Variants in TLN1 observed in about 807,000 individuals in gnomAD.
The protein encoded by TLN1 is talin 1.
TLN1 carries 56 observed loss-of-function variants against 292.3 expected under a neutral mutation model. The ratio of observed to expected loss-of-function variants is 0.19; its 90% CI spans 0.15 to 0.24. The LOEUF is 0.24. Among genes scored for constraint, TLN1 ranks in the 10% least tolerant of loss-of-function variants. The pLI is 1.00. For synonymous variants in TLN1, 1,119 were observed against 1,253.7 expected (o/e 0.89, Z 2.27); for missense variants, 2,433 against 3,248.2 (o/e 0.75, Z 6.10).
Position 35,713,030 on chromosome 9 carries a change from C to T in TLN1, c.3366G>A (p.Arg1122=), listed in dbSNP as rs760350300. The change falls in exon 27 of 57, where the codon CGG becomes CGA. Residue 1122 remains arginine (R), a synonymous_variant. Coordinates refer to ENST00000314888, the MANE Select transcript of TLN1 (RefSeq NM_006289.4). ...GNENYAGIAA[R]DVAGGLRSLA... Reference sequence around the variant, plus strand: ...GTGACCGCAGCCCACCTGCCACATCCCGAGCTGCAATACCTTGGGAGATGA... The same window carrying T: ...GTGACCGCAGCCCACCTGCCACATCTCGAGCTGCAATACCTTGGGAGATGA... 1.9e-6 allele frequency: 3 copies of T among 1,608,508 alleles called. No homozygotes were observed. Among genetic ancestry groups the T allele is most frequent in the African/African-American group, 1.3e-5 (1 of 74,818 alleles).
chr9:35,697,850 C>T lies in TLN1; in HGVS notation c.7567G>A (p.Ala2523Thr). 2 of 1,614,170 alleles carry T rather than the reference C, an allele frequency of 1.2e-6. No homozygotes were observed. The highest frequency in any genetic ancestry group is 1.7e-6 in the Non-Finnish European group (2 of 1,180,024). Residue 2523 changes from alanine to threonine, a missense_variant, in exon 57 of 57, where the codon GCC becomes ACC. Ala to Thr is a moderately conservative substitution (Grantham distance 58, BLOSUM62 0). Coordinates refer to ENST00000314888, the MANE Select transcript of TLN1 (RefSeq NM_006289.4). ...RELEEARKKL[A>T]QIRQQQYKFL... Reference sequence around the variant, plus strand: ...TTGTACTGCTGCTGCCGGATCTGGGCCAGTTTCTTCCGCGCCTCTTCCAGC... The same window carrying T: ...TTGTACTGCTGCTGCCGGATCTGGGTCAGTTTCTTCCGCGCCTCTTCCAGC...
Position 35,704,580 on chromosome 9 carries a change from C to G in TLN1, c.5881-82G>C, listed in dbSNP as rs1327550849. 68 of 1,588,772 alleles carry G rather than the reference C, an allele frequency of 4.3e-5. No individual in the cohort carries two copies. Among genetic ancestry groups the G allele is most frequent in the Non-Finnish European group, 5.7e-5 (67 of 1,165,960 alleles). ...TGCCCATGCCTGGGAGAAGTGACAA[C>G]AGGAGAGGGCTGAGAGGGCTGGAGG... On this transcript the variant is annotated intron_variant, in intron 44 of 56. Coordinates refer to ENST00000314888, the MANE Select transcript of TLN1 (RefSeq NM_006289.4). The surrounding 1 kb of genome is among the most constrained non-coding windows in gnomAD (Gnocchi z 6.9).
At chr9:35,705,505 C>G in intron 43 of TLN1, 46 bp downstream of exon 43, 2 of 1,526,662 alleles carry the variant, frequency 1.3e-6, no homozygotes, top group Non-Finnish European at 1.8e-6. Context: ...ACTGACACAT[C>G]AGGAACAAGG....
At position 35,700,322 on chromosome 9, in the gene TLN1, G is replaced by C. The variant is rs756242496; in HGVS notation, c.6529C>G (p.Arg2177Gly). The C allele has an allele frequency of 6.2e-7, 1 of 1,611,836 alleles. No homozygotes were observed. The highest frequency in any genetic ancestry group is 8.5e-7 in the Non-Finnish European group (1 of 1,178,062). ...GCCATGGTGATACCCTTGGTCATTCGGATGAAGTCTTCTGGGGTAGAGGTC... is the reference window on the plus strand; with the variant it reads ...GCCATGGTGATACCCTTGGTCATTCCGATGAAGTCTTCTGGGGTAGAGGTC... ...AKTSTPEDFI[R>G]MTKGITMATA... The change falls in exon 49 of 57, where the codon CGA (arginine) becomes GGA (glycine). Residue 2177 changes from arginine to glycine, a missense_variant. Around this residue, in one of 7 missense-constraint regions of TLN1, gnomAD observed 1,384 missense variants for 1,699.6 expected, o/e 0.81. Coordinates refer to ENST00000314888, the MANE Select transcript of TLN1 (RefSeq NM_006289.4).
chr9:35,710,127 G>A (rs1351957240), intron 33 of TLN1, among the ~76,000 whole-genome samples: 2 of 146,966 alleles, frequency 1.4e-5, no homozygotes, highest in Non-Finnish European at 3.0e-5. Context: ...GAAGGCTGAG[G>A]CAGGAGACTA....
Position 35,698,605 on chromosome 9 carries a change from T to C in TLN1, c.7188+12A>G, listed in dbSNP as rs1242852536. 2 of 1,614,144 alleles carry C rather than the reference T, an allele frequency of 1.2e-6. No individual in the cohort carries two copies. Among genetic ancestry groups the C allele is most frequent in the South Asian group, 1.1e-5 (1 of 91,088 alleles). On this transcript the variant is annotated intron_variant, in intron 54 of 56. Transcript: ENST00000314888. The surrounding 1 kb of genome is among the most constrained non-coding windows in gnomAD (Gnocchi z 5.3). The stretch of plus-strand genomic sequence containing the variant: ...TCAAACTGAGAGAGACCTAGTGGTA[T>C]TGCACACTTACAGCAGAAATGAGGC...
At chr9:35,718,020 A>G (rs1246043082) in intron 17 of TLN1, among the ~76,000 whole-genome samples, 1 of 152,116 alleles carries the variant, frequency 6.6e-6, no homozygotes, top group East Asian at 1.9e-4. Context: ...GGAGACACAC[A>G]TGAGGCGGAT....
chr9:35,697,608 C>T lies in TLN1; in HGVS notation c.*183G>A. 2 of 802,352 alleles carry T rather than the reference C, an allele frequency of 2.5e-6. No homozygotes were observed. Among genetic ancestry groups the T allele is most frequent in the Non-Finnish European group, 3.9e-6 (2 of 518,858 alleles). 49.7% of individuals were successfully genotyped at this position (802,352 alleles called of 1,614,324 possible). A position where few individuals can be genotyped will look rare whatever the true frequency, so the allele number is the denominator to read the frequency against. On this transcript the variant is annotated 3_prime_UTR_variant, in exon 57 of 57. Coordinates refer to ENST00000314888, the MANE Select transcript of TLN1 (RefSeq NM_006289.4). ...CTTGGGGGGCCCTAGGGCATGAAGGCACTTGGGGTTGGGGAGGGGACAGGG... is the reference window on the plus strand; with the variant it reads ...CTTGGGGGGCCCTAGGGCATGAAGGTACTTGGGGTTGGGGAGGGGACAGGG...
chr9:35,699,618 C>T lies in TLN1; in HGVS notation c.6769-157G>A, dbSNP rs1024490035. ...GCTGCCTATCCAAGTACACATCATG[C>T]ATCACACCTCACACGTGATAGAGAC... On this transcript the variant is annotated intron_variant, in intron 50 of 56. Transcript: ENST00000314888. The surrounding 1 kb of genome is among the most constrained non-coding windows in gnomAD (Gnocchi z 4.0). The T allele has an allele frequency of 1.0e-6, 1 of 985,334 alleles. No homozygotes were observed. The highest frequency in any genetic ancestry group is 1.2e-6 in the Non-Finnish European group (1 of 829,854). The allele number at this position is 985,334 out of a possible 1,614,324, so 61.0% of individuals were successfully genotyped here.
rs745772845 is a variant in TLN1, at chr9:35,698,309, G to C, written c.7371+14C>G. 6.2e-7 allele frequency: 1 copy of C among 1,613,758 alleles called. No homozygotes were observed. Among genetic ancestry groups the C allele is most frequent in the Non-Finnish European group, 8.5e-7 (1 of 1,179,746 alleles). On this transcript the variant is annotated intron_variant, in intron 55 of 56. Transcript: ENST00000314888. This position sits in a 1 kb window ranked among gnomAD's most constrained non-coding sequence, Gnocchi z 5.3. ...TATAGCCCAAGGGACAATGGGATGG[G>C]TCAGGGTTCTCACCTGAAGTCGTTT... is the stretch of plus-strand genomic sequence containing the variant.
Position 35,698,108 on chromosome 9 carries a change from G to T in TLN1, c.7436C>A (p.Ala2479Asp). 6.2e-7 allele frequency: 1 copy of T among 1,614,092 alleles called. No individual in the cohort carries two copies. Among genetic ancestry groups the T allele is most frequent in the Non-Finnish European group, 8.5e-7 (1 of 1,180,042 alleles). Residue 2479 changes from alanine to aspartate, a missense_variant, in exon 56 of 57, where the codon GCC becomes GAC. Physicochemically the swap from Ala to Asp is moderately radical, Grantham distance 126 (BLOSUM62 -2). Transcript: ENST00000314888. The surrounding 1 kb of genome is among the most constrained non-coding windows in gnomAD (Gnocchi z 5.3). The stretch of plus-strand genomic sequence containing the variant: ...TGTCTCATTCTCCTGCTCTTCAAAG[G>T]CTGCAGCCTTCTGTGCTGCTTTCAC... ...NLVKAAQKAA[A>D]FEEQENETVV...
In TLN1 at chr9:35,715,190, G is replaced by T; in HGVS notation, c.2626-3C>A. On this transcript the variant is annotated splice_region_variant and splice_polypyrimidine_tract_variant and intron_variant, in intron 20 of 56. Coordinates refer to ENST00000314888, the MANE Select transcript of TLN1 (RefSeq NM_006289.4). ...CTGTCAGGGTGGGCAGCTGCTCCCT[G>T]AGGGAGAGGTGGAAAGACAGTCATC... is the stretch of plus-strand genomic sequence containing the variant. 6.2e-7 allele frequency: 1 copy of T among 1,608,974 alleles called. No individual in the cohort carries two copies. The highest frequency in any genetic ancestry group is 1.1e-5 in the South Asian group (1 of 91,044).
At position 35,717,605 on chromosome 9, in the gene TLN1, C is replaced by A; in HGVS notation, c.2163+14G>T. 1 of 1,602,308 alleles carries A rather than the reference C, an allele frequency of 6.2e-7. No homozygotes were observed. Among genetic ancestry groups the A allele is most frequent in the Non-Finnish European group, 8.5e-7 (1 of 1,170,410 alleles). ...TACCCCTCAGCACGGACTAGAGCAA[C>A]CTTTGGGGCTCACCTTAGTACAGGC... On this transcript the variant is annotated intron_variant, in intron 18 of 56. Coordinates refer to ENST00000314888, the MANE Select transcript of TLN1 (RefSeq NM_006289.4). The surrounding 1 kb of genome is among the most constrained non-coding windows in gnomAD (Gnocchi z 4.7).
At position 35,713,047 on chromosome 9, in the gene TLN1, G is replaced by A; in HGVS notation, c.3353-4C>T. 5.0e-6 allele frequency: 8 copies of A among 1,598,418 alleles called. No homozygotes were observed. The highest frequency in any genetic ancestry group is 6.0e-6 in the Non-Finnish European group (7 of 1,169,954). On this transcript the variant is annotated splice_region_variant and splice_polypyrimidine_tract_variant and intron_variant, in intron 26 of 56. Transcript: ENST00000314888. ...GCCACATCCCGAGCTGCAATACCTT[G>A]GGAGATGAGGAGAAAGAGGGAAGGG...
chr9:35,706,611 A>G lies in TLN1; in HGVS notation c.5089-60T>C. The G allele has an allele frequency of 6.2e-7, 1 of 1,600,422 alleles. No individual in the cohort carries two copies. Among genetic ancestry groups the G allele is most frequent in the Non-Finnish European group, 8.5e-7 (1 of 1,169,836 alleles). On this transcript the variant is annotated intron_variant, in intron 38 of 56. Transcript: ENST00000314888. This position sits in a 1 kb window ranked among gnomAD's most constrained non-coding sequence, Gnocchi z 4.2. Reference sequence around the variant, plus strand: ...CCTGCAATAGGACCCTCTGGCTACAAAGAACTGCTCTTCTGTCCATACCAA... The same window carrying G: ...CCTGCAATAGGACCCTCTGGCTACAGAGAACTGCTCTTCTGTCCATACCAA...
Position 35,698,408 on chromosome 9 carries a change from T to C in TLN1, c.7286A>G (p.Lys2429Arg). 1 of 1,614,192 alleles carries C rather than the reference T, an allele frequency of 6.2e-7. No homozygotes were observed. The highest frequency in any genetic ancestry group is 8.5e-7 in the Non-Finnish European group (1 of 1,180,034). ...CTGGGCTGTGGAGGCAGCTACCTGC[T>C]TGGCTGATGAGATGAGCTTCTCCTG... Reference protein sequence around the residue: ...ASQEKLISSAKQVAASTAQLL... With the variant: ...ASQEKLISSARQVAASTAQLL... The change falls in exon 55 of 57, where the codon AAG becomes AGG. Residue 2429 changes from lysine (K) to arginine (R), a missense_variant. By Grantham distance (26) the Lys-to-Arg change is conservative. Coordinates refer to ENST00000314888, the MANE Select transcript of TLN1 (RefSeq NM_006289.4). This position sits in a 1 kb window ranked among gnomAD's most constrained non-coding sequence, Gnocchi z 5.3.
rs890578970 is a variant in TLN1, at chr9:35,698,734, C to T, written c.7126-55G>A. ...CTGCATTTTCCTCACTTCAAAGACT[C>T]GCTGGCTATGGATGTGGATGTGGAC... On this transcript the variant is annotated intron_variant, in intron 53 of 56. Transcript: ENST00000314888. The surrounding 1 kb of genome is among the most constrained non-coding windows in gnomAD (Gnocchi z 5.3). 27 of 1,613,962 alleles carry T rather than the reference C, an allele frequency of 1.7e-5. No homozygotes were observed. The highest frequency in any genetic ancestry group is 1.9e-5 in the Non-Finnish European group (23 of 1,179,988).
intron 1 of TLN1, among the ~76,000 whole-genome samples, chr9:35,731,476 T>A (rs1031691682): frequency 8.5e-5 from 13 of 152,176 alleles, no homozygotes; most frequent in African/African-American, 3.1e-4. Flanking sequence ...TATAATTTGA[T>A]TCCTAACTCA....
chr9:35,719,548 C>T lies in TLN1; in HGVS notation c.1658G>A (p.Gly553Asp), dbSNP rs1167561677. ...IHSQVDAITA[G>D]TASVVNLTAG... ...TGTCAGGTTCACCACAGACGCAGTA[C>T]CAGCTGTGATGGCATCTACCTGAGA... is the stretch of plus-strand genomic sequence containing the variant. Residue 553 changes from glycine (G) to aspartate (D), a missense_variant, in exon 15 of 57, where the codon GGT (glycine) becomes GAT (aspartate). This residue lies in a region of TLN1 where 617 missense variants were observed against 770.6 expected (regional missense o/e 0.80). Coordinates refer to ENST00000314888, the MANE Select transcript of TLN1 (RefSeq NM_006289.4). This position sits in a 1 kb window ranked among gnomAD's most constrained non-coding sequence, Gnocchi z 4.6. 1 of 1,614,188 alleles carries T rather than the reference C, an allele frequency of 6.2e-7. No homozygotes were observed. Among genetic ancestry groups the T allele is most frequent in the East Asian group, 2.2e-5 (1 of 44,888 alleles).
Sources: gnomAD v4.1 joint callset for allele counts (sites outside exome capture counted in the v4.1 genomes callset) on GRCh38, gnomAD v4.1.1 for gene constraint, gnomAD v4.1.1 regional missense constraint, Gnocchi (gnomAD v3.1) non-coding constraint, MANE v1.5 for transcripts, NCBI Gene and HGNC (gene_info 2026-07-23, HGNC 2026-07-21) for gene names.